OSBPL3: variants seen among roughly 807,000 people sequenced by gnomAD.
OSBPL3 encodes the protein oxysterol-binding protein-related protein 3.
Under a neutral mutation model 120.1 loss-of-function variants are expected in OSBPL3, and 65 were observed. The observed-to-expected ratio is 0.54, with a 90% confidence interval of 0.44 to 0.67. OSBPL3 has a LOEUF of 0.67. Ranked by LOEUF, OSBPL3 falls within the 30% of genes least tolerant of loss-of-function variation. The probability of loss-of-function intolerance (pLI) is 0.00; values close to 1 mark genes in which losing one functional copy is unlikely to be tolerated. For synonymous variants in OSBPL3, 416 were observed against 402.6 expected (o/e 1.03, Z -0.40); for missense variants, 1,004 against 1,082.1 (o/e 0.93, Z 1.01).
At chr7:24,825,315 C>T (rs766659022) in intron 16 of OSBPL3, among the ~76,000 whole-genome samples, 16 of 152,236 alleles carry the variant, frequency 1.1e-4, no homozygotes, top group Middle Eastern at 3.4e-3. Flanking sequence ...AGGGAGACCC[C>T]AGGATTTGCT....
rs67222925 is a variant in OSBPL3, at chr7:24,904,918, GGTGTGTGTGTGTGT to G, written c.-149-12311_-149-12298del. Among the ~76,000 whole-genome samples the G allele has an allele frequency of 5.1e-4, 68 of 132,946 alleles. 1 individual carries two copies. Among genetic ancestry groups the G allele is most frequent in the Middle Eastern group, 7.4e-3 (2 of 272 alleles). The allele number at this position is 132,946 out of a possible 152,430, so 87.2% of individuals were successfully genotyped here. A position where few individuals can be genotyped will look rare whatever the true frequency, so the allele number is the denominator to read the frequency against. The stretch of plus-strand genomic sequence containing the variant: ...TGAAGTGTTCTGATCATAATATACA[GGTGTGTGTGTGTGT>G]GTGTGTGTGTGTGTGTGTGTGTGTG... On this transcript the variant is annotated intron_variant, in intron 1 of 22. Transcript: ENST00000313367.
In OSBPL3 at chr7:24,937,191, T is replaced by C. The variant is rs1471025793; in HGVS notation, c.-150+42695A>G. On this transcript the variant is annotated intron_variant, in intron 1 of 22. Transcript: ENST00000313367. The surrounding 1 kb of genome is among the most constrained non-coding windows in gnomAD (Gnocchi z 4.0). ...AAAAGGCCCTTATATTATAAAACCA[T>C]CAGATGTAGTGAGAACTAACTTATT... Among the ~76,000 whole-genome samples, 1 of 152,078 alleles carries C rather than the reference T, an allele frequency of 6.6e-6. No homozygotes were observed. The highest frequency in any genetic ancestry group is 1.5e-5 in the Non-Finnish European group (1 of 68,012).
chr7:24,943,280 A>G (rs2128485639), intron 1 of OSBPL3, among the ~76,000 whole-genome samples: 1 of 152,252 alleles, frequency 6.6e-6, no homozygotes, highest in Non-Finnish European at 1.5e-5. Context: ...CTCACTCCCC[A>G]ATACTCTAGG....
intron 12 of OSBPL3, among the ~76,000 whole-genome samples, chr7:24,843,635 G>C (rs1455148217): frequency 6.6e-6 from 1 of 152,134 alleles, no homozygotes; most frequent in Non-Finnish European, 1.5e-5. Flanking sequence ...TCTACAAACT[G>C]TTGAAATAGA....
At position 24,852,556 on chromosome 7, in the gene OSBPL3, G is replaced by A; in HGVS notation, c.1106C>T (p.Ala369Val). 3 of 1,607,756 alleles carry A rather than the reference G, an allele frequency of 1.9e-6. No homozygotes were observed. The highest frequency in any genetic ancestry group is 3.5e-5 in the Admixed American group (2 of 57,902). The change falls in exon 11 of 23, where the codon GCC becomes GTC. Residue 369 changes from alanine (A) to valine (V), a missense_variant. This residue lies in a region of OSBPL3 where 272 missense variants were observed against 248.8 expected (regional missense o/e 1.09). Coordinates refer to ENST00000313367, the MANE Select transcript of OSBPL3 (RefSeq NM_015550.4). This position sits in a 1 kb window ranked among gnomAD's most constrained non-coding sequence, Gnocchi z 4.1. Reference protein sequence around the residue: ...EKLKQLMEQDASSSPSAQVIG... With the variant: ...EKLKQLMEQDVSSSPSAQVIG... ...GACCTGAGCAGACGGGGAGGAGGAGGCATCCTGCTCCATCAGCTGCTTCAG... is the reference window on the plus strand; with the variant it reads ...GACCTGAGCAGACGGGGAGGAGGAGACATCCTGCTCCATCAGCTGCTTCAG...
In OSBPL3 at chr7:24,898,622, G is replaced by A. The variant is rs1166279742; in HGVS notation, c.-149-6001C>T. Among the ~76,000 whole-genome samples the A allele has an allele frequency of 6.6e-6, 1 of 152,170 alleles. No individual in the cohort carries two copies. The highest frequency in any genetic ancestry group is 1.5e-5 in the Non-Finnish European group (1 of 68,028). ...CAGAGCCCAATCCAGCAACAGAAAT[G>A]CACCTGGTGCATATTTGAAGCGTGC... On this transcript the variant is annotated intron_variant, in intron 1 of 22. Transcript: ENST00000313367. The surrounding 1 kb of genome is among the most constrained non-coding windows in gnomAD (Gnocchi z 4.3).
At chr7:24,823,443 T>C (rs1270682217) in intron 16 of OSBPL3, among the ~76,000 whole-genome samples, 1 of 152,110 alleles carries the variant, frequency 6.6e-6, no homozygotes, top group Non-Finnish European at 1.5e-5. Flanking sequence ...ATTTTATAAA[T>C]TAGGAAATAG....
intron 1 of OSBPL3, among the ~76,000 whole-genome samples, chr7:24,901,069 C>T (rs1162290865): frequency 2.7e-5 from 4 of 150,346 alleles, no homozygotes; most frequent in East Asian, 2.0e-4. Flanking sequence ...GTGGCTCACA[C>T]TTATAATCCC....
At chr7:24,978,690 G>A (rs1038389134) in intron 1 of OSBPL3, among the ~76,000 whole-genome samples, 12 of 152,218 alleles carry the variant, frequency 7.9e-5, no homozygotes, top group Non-Finnish European at 1.5e-4. Flanking sequence ...CCCATCTGTG[G>A]AAGTATCTCT....
upstream of OSBPL3, among the ~76,000 whole-genome samples, chr7:24,980,870 T>A (rs1316067975): frequency 6.6e-6 from 1 of 151,948 alleles, no homozygotes; most frequent in Non-Finnish European, 1.5e-5. Context: ...TAAATCTCCC[T>A]GAAAGACGGA....
intron 13 of OSBPL3, among the ~76,000 whole-genome samples, chr7:24,841,951 T>C (rs1797828423): frequency 6.6e-6 from 1 of 151,892 alleles, no homozygotes; most frequent in Non-Finnish European, 1.5e-5. Flanking sequence ...AGCCGGAGGT[T>C]GCAGTGAGCT....
intron 1 of OSBPL3, among the ~76,000 whole-genome samples, chr7:24,948,141 C>T (rs1006634618): frequency 3.3e-5 from 5 of 151,908 alleles, no homozygotes; most frequent in African/African-American, 7.3e-5. Flanking sequence ...GAAGACAAAG[C>T]GAGAGAGAGA....
In OSBPL3 at chr7:24,947,353, C is replaced by T. The variant is rs2128491927; in HGVS notation, c.-150+32533G>A. Among the ~76,000 whole-genome samples, 1 of 152,236 alleles carries T rather than the reference C, an allele frequency of 6.6e-6. No homozygotes were observed. Among genetic ancestry groups the T allele is most frequent in the East Asian group, 1.9e-4 (1 of 5,184 alleles). Reference sequence around the variant, plus strand: ...GGAAATTCTCTGAATAAAGCTCTTCCAGGTAGAGTTCAATGGCTACAGAAG... The same window carrying T: ...GGAAATTCTCTGAATAAAGCTCTTCTAGGTAGAGTTCAATGGCTACAGAAG... On this transcript the variant is annotated intron_variant, in intron 1 of 22. Transcript: ENST00000313367. This position sits in a 1 kb window ranked among gnomAD's most constrained non-coding sequence, Gnocchi z 4.4.
At chr7:24,868,931 G>C (rs1328300740) in intron 5 of OSBPL3, among the ~76,000 whole-genome samples, 1 of 152,050 alleles carries the variant, frequency 6.6e-6, no homozygotes, top group Non-Finnish European at 1.5e-5. Flanking sequence ...AACTGTCCAG[G>C]GTCCTGTTCC....
rs541470443 is a variant in OSBPL3, at chr7:24,899,754, T to C, written c.-149-7133A>G. The stretch of plus-strand genomic sequence containing the variant: ...AACCCACTATAAATGCCCATAACTA[T>C]ACAATCACCTACAATTTCTCAAAGT... On this transcript the variant is annotated intron_variant, in intron 1 of 22. Transcript: ENST00000313367. The surrounding 1 kb of genome is among the most constrained non-coding windows in gnomAD (Gnocchi z 4.0). Among the ~76,000 whole-genome samples the C allele has an allele frequency of 9.2e-4, 140 of 152,356 alleles. No individual in the cohort carries two copies. Among genetic ancestry groups the C allele is most frequent in the African/African-American group, 3.1e-3 (130 of 41,580 alleles).
Position 24,852,849 on chromosome 7 carries a change from A to G in OSBPL3, c.1028-215T>C, listed in dbSNP as rs1799334318. Among the ~76,000 whole-genome samples, 1 of 152,178 alleles carries G rather than the reference A, an allele frequency of 6.6e-6. No homozygotes were observed. The highest frequency in any genetic ancestry group is 6.5e-5 in the Admixed American group (1 of 15,284). ...AAGGCCTCTGGATGATGATGTGTCC[A>G]CGTAGGTTCATTGACTGTAAGAGAT... On this transcript the variant is annotated intron_variant, in intron 10 of 22. Transcript: ENST00000313367. This position sits in a 1 kb window ranked among gnomAD's most constrained non-coding sequence, Gnocchi z 4.1.
In OSBPL3 at chr7:24,833,246, T is replaced by G. The variant is rs1796604470; in HGVS notation, c.1746+1240A>C. 1.3e-5 allele frequency among the ~76,000 whole-genome samples: 2 copies of G among 152,198 alleles called. No homozygotes were observed. The highest frequency in any genetic ancestry group is 2.9e-5 in the Non-Finnish European group (2 of 68,036). On this transcript the variant is annotated intron_variant, in intron 15 of 22. Coordinates refer to ENST00000313367, the MANE Select transcript of OSBPL3 (RefSeq NM_015550.4). This position sits in a 1 kb window ranked among gnomAD's most constrained non-coding sequence, Gnocchi z 4.4. Reference sequence around the variant, plus strand: ...GGCCAGGTACAGTGACTCATGCCTGTAATCCCAGCATTTTGGGAGGCCAGG... The same window carrying G: ...GGCCAGGTACAGTGACTCATGCCTGGAATCCCAGCATTTTGGGAGGCCAGG...
chr7:24,810,191 A>G, intron 19 of OSBPL3: 1 of 463,096 alleles, frequency 2.2e-6, no homozygotes, highest in Non-Finnish European at 3.9e-6. Flanking sequence ...AAGCTGATTA[A>G]CATATGTATT....
At chr7:24,885,678 T>C (rs962697275) in intron 2 of OSBPL3, among the ~76,000 whole-genome samples, 4 of 152,250 alleles carry the variant, frequency 2.6e-5, no homozygotes, top group Non-Finnish European at 5.9e-5. Flanking sequence ...GAATAGAGGC[T>C]GTGCTCTCTT....
Sources: allele counts gnomAD v4.1 joint callset (sites outside exome capture counted in the v4.1 genomes callset), GRCh38; gene constraint gnomAD v4.1.1; regional missense constraint gnomAD v4.1.1; non-coding constraint Gnocchi (gnomAD v3.1); transcripts MANE v1.5; gene names NCBI Gene and HGNC (gene_info 2026-07-23, HGNC 2026-07-21).